Variants in FLNB observed in about 807,000 individuals in gnomAD.
The protein encoded by FLNB is filamin-B.
Under a neutral mutation model 250.6 loss-of-function variants are expected in FLNB, and 111 were observed. The observed-to-expected ratio is 0.44, with a 90% CI of 0.38 to 0.52. FLNB has a LOEUF of 0.52. Among genes scored for constraint, FLNB ranks in the 20% least tolerant of loss-of-function variants. The pLI is 0.00. For missense variants in FLNB, 2,869 were observed against 3,447.8 expected, an observed-to-expected ratio of 0.83 and a Z score of 4.20; for synonymous variants, 1,302 against 1,372.1, an observed-to-expected ratio of 0.95 and a Z score of 1.13.
chr3:58,017,004 T>G (rs1319174889), intron 1 of FLNB, among the ~76,000 whole-genome samples: 1 of 152,202 alleles, frequency 6.6e-6, no homozygotes, highest in African/African-American at 2.4e-5. Context: ...CAACAATACT[T>G]TCTTCTTCAG....
intron 29 of FLNB, among the ~76,000 whole-genome samples, chr3:58,140,441 C>T (rs2097324912): frequency 6.6e-6 from 1 of 152,244 alleles, no homozygotes; most frequent in African/African-American, 2.4e-5. Context: ...GCTCACAGAG[C>T]TGCCTTTGCC....
rs146229370 is a variant in FLNB at position 58,126,781 on chromosome 3, A to C, written c.4222+19A>C. On this transcript the variant is annotated intron_variant, in intron 24 of 45. Coordinates refer to ENST00000295956, the MANE Select transcript of FLNB (RefSeq NM_001457.4). ...ATCCCCGGTGAGCTATTCCTCAGAG[A>C]GGACCCCAGAGAATAATTGATTTTG... is the stretch of plus-strand genomic sequence containing the variant. 5.4e-4 allele frequency: 874 copies of C among 1,609,958 alleles called. 4 individuals are homozygous for C. The African/African-American group carries it at 0.01, about 19-fold the overall frequency.
In FLNB at chr3:58,142,547, G is replaced by A. The variant is rs763787717; in HGVS notation, c.5182-103G>A. 87 of 994,800 alleles carry A rather than the reference G, an allele frequency of 8.7e-5. 1 individual carries two copies. The highest frequency in any genetic ancestry group is 1.2e-4 in the Non-Finnish European group (77 of 637,700). The allele number at this position is 994,800 out of a possible 1,614,324, so 61.6% of individuals were successfully genotyped here. Reference sequence around the variant, plus strand: ...ATGGGCAGCCGCATTCCCAAATCCCGGCCTCACTGGCTTGTAGAATTCCCA... The same window carrying A: ...ATGGGCAGCCGCATTCCCAAATCCCAGCCTCACTGGCTTGTAGAATTCCCA... On this transcript the variant is annotated intron_variant, in intron 30 of 45. Coordinates refer to ENST00000295956, the MANE Select transcript of FLNB (RefSeq NM_001457.4). This position sits in a 1 kb window ranked among gnomAD's most constrained non-coding sequence, Gnocchi z 4.3.
At position 58,127,727 on chromosome 3, in the gene FLNB, A is replaced by C. The variant is rs978688281; in HGVS notation, c.4222+965A>C. 3.3e-5 allele frequency among the ~76,000 whole-genome samples: 5 copies of C among 152,372 alleles called. 1 individual carries two copies. The East Asian group carries it at 7.7e-4, about 23-fold the overall frequency. On this transcript the variant is annotated intron_variant, in intron 24 of 45. Coordinates refer to ENST00000295956, the MANE Select transcript of FLNB (RefSeq NM_001457.4). ...ACTTCAGCCTGAACCACTGCTGTAA[A>C]GATTCAAACAATAAATAAATATATG... is the stretch of plus-strand genomic sequence containing the variant.
At chr3:58,060,350 CTCTT>C (rs1349718910) in intron 1 of FLNB, among the ~76,000 whole-genome samples, 4 of 124,126 alleles carry the variant, frequency 3.2e-5, no homozygotes, top group Admixed American at 8.2e-5. Flanking sequence ...GACCCTGTCT[CTCTT>C]TTTTTTTTTT....
chr3:58,097,718 G>A (rs2097241481), intron 6 of FLNB, 97 bp from the exon 7 acceptor site: 2 of 1,196,000 alleles, frequency 1.7e-6, no homozygotes, highest in East Asian at 2.5e-5. Context: ...CATCATGGGA[G>A]GGTAGGAGAG....
At position 58,085,239 on chromosome 3, in the gene FLNB, A is replaced by AT. The variant is rs377621443; in HGVS notation, c.787+3468dup. On this transcript the variant is annotated intron_variant, in intron 4 of 45. Transcript: ENST00000295956. ...CATATGGTAATTCTATATGCAGCTT[A>AT]TTTTTCAGGAGGAAGTGGCCTCACT... is the stretch of plus-strand genomic sequence containing the variant. Among the ~76,000 whole-genome samples, 240 of 151,036 alleles carry AT rather than the reference A, an allele frequency of 1.6e-3. 3 individuals are homozygous for AT. Among genetic ancestry groups the AT allele is most frequent in the African/African-American group, 5.7e-3 (232 of 40,984 alleles).
chr3:58,038,154 C>T (rs1460996135), intron 1 of FLNB, among the ~76,000 whole-genome samples: 2 of 152,026 alleles, frequency 1.3e-5, no homozygotes, highest in Admixed American at 6.6e-5. Context: ...CTCAGCCTCC[C>T]GAGTAGCTGG....
intron 12 of FLNB, 106 bp from the exon 13 acceptor site, chr3:58,108,352 A>G (rs193003538): frequency 5.3e-6 from 4 of 754,396 alleles, no homozygotes; most frequent in African/African-American, 5.2e-5. Flanking sequence ...GTAAAACCAG[A>G]CACAGGTCAT....
intron 24 of FLNB, among the ~76,000 whole-genome samples, chr3:58,128,778 T>C (rs1326474037): frequency 6.6e-6 from 1 of 152,178 alleles, no homozygotes; most frequent in Non-Finnish European, 1.5e-5. Flanking sequence ...GGTCAGAGTT[T>C]GTCCCCTGTG....
Position 58,143,723 on chromosome 3 carries a change from A to G in FLNB, c.5425+110A>G, listed in dbSNP as rs9826147. 0.35 allele frequency: 483,801 copies of G among 1,371,530 alleles called. 89,044 individuals carry two copies. Among genetic ancestry groups the G allele is most frequent in the Middle Eastern group, 0.41 (1,660 of 4,034 alleles). 85.0% of individuals were successfully genotyped at this position (1,371,530 alleles called of 1,614,324 possible). ...GGAGCAGCTCTCGGCAGCAGGCTGG[A>G]GAATGCAGCGTTGGTACCCCTGTGA... is the stretch of plus-strand genomic sequence containing the variant. On this transcript the variant is annotated intron_variant, in intron 32 of 45. Transcript: ENST00000295956.
At chr3:58,072,805 G>A (rs1372708360) in intron 1 of FLNB, among the ~76,000 whole-genome samples, 1 of 152,150 alleles carries the variant, frequency 6.6e-6, no homozygotes, top group African/African-American at 2.4e-5. Context: ...GAAATTCTGG[G>A]CATTGTATTT....
rs888555274 is a variant in FLNB at position 58,008,465 on chromosome 3, C to T, written c.-100C>T. 17 of 1,418,452 alleles carry T rather than the reference C, an allele frequency of 1.2e-5. No homozygotes were observed. Among genetic ancestry groups the T allele is most frequent in the East Asian group, 2.5e-5 (1 of 40,330 alleles). The allele number at this position is 1,418,452 out of a possible 1,614,324, so 87.9% of individuals were successfully genotyped here. ...GCTCCGGTAGCAGCAAGTTCGAACCCCGCTCCCGCTCCGCTTCGGTTCTCG... is the reference window on the plus strand; with the variant it reads ...GCTCCGGTAGCAGCAAGTTCGAACCTCGCTCCCGCTCCGCTTCGGTTCTCG... On this transcript the variant is annotated 5_prime_UTR_variant, in exon 1 of 46. Coordinates refer to ENST00000295956, the MANE Select transcript of FLNB (RefSeq NM_001457.4).
chr3:58,040,941 T>A (rs779835480), intron 1 of FLNB, among the ~76,000 whole-genome samples: 1 of 152,244 alleles, frequency 6.6e-6, no homozygotes, highest in African/African-American at 2.4e-5. Context: ...TCTTAAAGTT[T>A]GATCATTATA....
intron 4 of FLNB, among the ~76,000 whole-genome samples, chr3:58,083,107 T>C (rs1437350769): frequency 6.6e-6 from 1 of 152,222 alleles, no homozygotes; most frequent in Non-Finnish European, 1.5e-5. Context: ...TGTTGTAGAA[T>C]TTCTCTATTG....
intron 1 of FLNB, among the ~76,000 whole-genome samples, chr3:58,035,217 C>T (rs1288337558): frequency 1.3e-5 from 2 of 152,190 alleles, no homozygotes; most frequent in Non-Finnish European, 2.9e-5. Context: ...ATTACCTCTT[C>T]ACCTCACAGG....
At chr3:58,019,240 C>G (rs1276250454) in intron 1 of FLNB, among the ~76,000 whole-genome samples, 1 of 152,168 alleles carries the variant, frequency 6.6e-6, no homozygotes, top group Non-Finnish European at 1.5e-5. Flanking sequence ...GGATGGCCAA[C>G]CACTAATCAA....
intron 1 of FLNB, among the ~76,000 whole-genome samples, chr3:58,036,900 A>G (rs77492072): frequency 0.011 from 1,623 of 152,234 alleles, 31 homozygotes; most frequent in African/African-American, 0.037. Context: ...AATTTTTGCA[A>G]AGGCAGTTTC....
chr3:58,084,773 T>C (rs9879611), intron 4 of FLNB, among the ~76,000 whole-genome samples: 1,746 of 152,232 alleles, frequency 0.011, 37 homozygotes, highest in African/African-American at 0.04. Flanking sequence ...TTCTCCCCTC[T>C]CCTCTGCTCC....
Sources: allele counts gnomAD v4.1 joint callset (sites outside exome capture counted in the v4.1 genomes callset), GRCh38; gene constraint gnomAD v4.1.1; non-coding constraint Gnocchi (gnomAD v3.1); transcripts MANE v1.5; gene names NCBI Gene and HGNC (gene_info 2026-07-23, HGNC 2026-07-21).